GRIK4: variants seen among roughly 807,000 people sequenced by gnomAD.
GRIK4 encodes glutamate receptor ionotropic, kainate 4.
In GRIK4, 40 loss-of-function variants were observed where a neutral mutation model predicts 104.9. That is an observed-to-expected ratio of 0.38 (90% CI 0.30 to 0.50). The LOEUF is 0.50. Among genes scored for constraint, GRIK4 ranks in the 20% least tolerant of loss-of-function variants. The pLI is 0.93. For missense variants in GRIK4, 1,047 were observed against 1,308.1 expected (o/e 0.80, Z 3.08); for synonymous variants, 485 against 524.9 (o/e 0.92, Z 1.04).
chr11:120,522,269 AC>A (rs1947804383), intron 1 of GRIK4, among the ~76,000 whole-genome samples: 1 of 152,298 alleles, frequency 6.6e-6, no homozygotes, highest in African/African-American at 2.4e-5. Flanking sequence ...TTCTAAACAT[AC>A]CAGGAGGTTT....
At chr11:120,742,473 C>T (rs758904728) in intron 3 of GRIK4, among the ~76,000 whole-genome samples, 6 of 150,866 alleles carry the variant, frequency 4.0e-5, no homozygotes, top group South Asian at 2.1e-4. Flanking sequence ...ATCAAAACCA[C>T]GAGATACCAT....
intron 19 of GRIK4, among the ~76,000 whole-genome samples, chr11:120,979,188 T>C (rs928752416): frequency 1.3e-5 from 2 of 152,216 alleles, no homozygotes; most frequent in Non-Finnish European, 2.9e-5. Context: ...CAAAATTAAA[T>C]GAAGACATGT....
intron 9 of GRIK4, chr11:120,873,029 T>C (rs541031245): frequency 6.6e-6 from 1 of 152,308 alleles, no homozygotes; most frequent in East Asian, 1.9e-4. Flanking sequence ...ACAGATGCTG[T>C]GCAGAATATA....
At chr11:120,984,242 T>C (rs899347070) in intron 20 of GRIK4, among the ~76,000 whole-genome samples, 8 of 152,236 alleles carry the variant, frequency 5.3e-5, no homozygotes, top group South Asian at 4.1e-4. Flanking sequence ...ATTGGTAGAA[T>C]TGGACGAAAG....
At chr11:120,527,546 G>A (rs7104892) in intron 1 of GRIK4, among the ~76,000 whole-genome samples, 6,310 of 152,268 alleles carry the variant, frequency 0.041, 430 homozygotes, top group African/African-American at 0.14. Context: ...CCTCCCAGAG[G>A]CCTAACTGCG....
intron 1 of GRIK4, among the ~76,000 whole-genome samples, chr11:120,613,576 C>T (rs1949065922): frequency 6.6e-6 from 1 of 152,256 alleles, no homozygotes; most frequent in African/African-American, 2.4e-5. Context: ...CATGTGTACA[C>T]ATTGTTCTTG....
At chr11:120,640,347 A>G (rs550189696) in intron 1 of GRIK4, among the ~76,000 whole-genome samples, 2 of 152,328 alleles carry the variant, frequency 1.3e-5, no homozygotes, top group East Asian at 3.9e-4. Context: ...AGAAAATTCT[A>G]CCTGTGCCAC....
intron 1 of GRIK4, among the ~76,000 whole-genome samples, chr11:120,607,757 T>G (rs1948980196): frequency 6.6e-6 from 1 of 151,974 alleles, no homozygotes; most frequent in African/African-American, 2.4e-5. Flanking sequence ...CCAGATTGTG[T>G]CACTTATAGT....
intron 3 of GRIK4, among the ~76,000 whole-genome samples, chr11:120,664,850 G>A (rs977384676): frequency 2.0e-5 from 3 of 152,180 alleles, no homozygotes; most frequent in African/African-American, 7.2e-5. Flanking sequence ...CAGTCGAGGT[G>A]GCAAGGGAAG....
intron 13 of GRIK4, among the ~76,000 whole-genome samples, chr11:120,920,478 A>T (rs1030477066): frequency 1.3e-5 from 2 of 152,026 alleles, no homozygotes; most frequent in Non-Finnish European, 2.9e-5. Context: ...GCCTGGGTTC[A>T]TTCCTCTTGC....
At chr11:120,836,095 A>G (rs1373283779) in intron 7 of GRIK4, among the ~76,000 whole-genome samples, 1 of 152,210 alleles carries the variant, frequency 6.6e-6, no homozygotes, top group East Asian at 1.9e-4. Flanking sequence ...GCATTGCTAC[A>G]ACCTACGGAC....
intron 13 of GRIK4, among the ~76,000 whole-genome samples, chr11:120,928,234 A>G (rs1013065486): frequency 1.5e-5 from 2 of 132,828 alleles, no homozygotes; most frequent in African/African-American, 2.6e-5. Context: ...AAAAAAAGCT[A>G]GAAGGCGACA....
intron 13 of GRIK4, among the ~76,000 whole-genome samples, chr11:120,907,189 G>A (rs994679721): frequency 2.0e-5 from 3 of 152,208 alleles, no homozygotes; most frequent in Non-Finnish European, 4.4e-5. Flanking sequence ...TTAGACCATA[G>A]AAAGCCGAAA....
chr11:120,886,477 C>T (rs73576699), intron 11 of GRIK4, among the ~76,000 whole-genome samples: 2,944 of 152,184 alleles, frequency 0.019, 87 homozygotes, highest in African/African-American at 0.066. Context: ...TTAATGTTAA[C>T]GCATCAACAG....
chr11:120,553,147 C>T (rs1014116714), intron 1 of GRIK4, among the ~76,000 whole-genome samples: 4 of 152,160 alleles, frequency 2.6e-5, no homozygotes, highest in East Asian at 3.9e-4. Flanking sequence ...TTGGGGCCAT[C>T]GGCCCATAGG....
chr11:120,908,157 ATGG>A (rs968925638), intron 13 of GRIK4, among the ~76,000 whole-genome samples: 6 of 152,312 alleles, frequency 3.9e-5, no homozygotes, highest in African/African-American at 1.2e-4. Flanking sequence ...AGATGAGGAA[ATGG>A]TGGCCCAGGG....
chr11:120,823,600 CT>C (rs1374736254), intron 6 of GRIK4, among the ~76,000 whole-genome samples: 1 of 152,210 alleles, frequency 6.6e-6, no homozygotes, highest in Non-Finnish European at 1.5e-5. Flanking sequence ...CCATGACCCC[CT>C]TCCACCATCA....
intron 3 of GRIK4, among the ~76,000 whole-genome samples, chr11:120,670,722 A>ATTT (rs2135264749): frequency 6.6e-6 from 1 of 151,558 alleles, no homozygotes; most frequent in Admixed American, 6.6e-5. Flanking sequence ...TATTTTTATT[A>ATTT]TACTTTAAGT....
chr11:120,880,784 G>C (rs946228867), intron 11 of GRIK4, among the ~76,000 whole-genome samples: 2 of 152,196 alleles, frequency 1.3e-5, no homozygotes, highest in African/African-American at 4.8e-5. Flanking sequence ...GGAATAGTCT[G>C]CTTCCTCTTT....
Sources: allele counts gnomAD v4.1 joint callset (sites outside exome capture counted in the v4.1 genomes callset), GRCh38; gene constraint gnomAD v4.1.1; transcripts MANE v1.5; gene names NCBI Gene and HGNC (gene_info 2026-07-23, HGNC 2026-07-21).